The following ERC1 variants were observed in gnomAD, a reference collection of about 807,000 sequenced individuals.
ERC1 encodes ELKS/RAB6-interacting/CAST family member 1.
A neutral mutation model predicts 132.0 loss-of-function variants in ERC1; 56 were observed. The observed-to-expected ratio is 0.42, with a 90% CI of 0.34 to 0.53. The LOEUF is 0.53. Among genes scored for constraint, ERC1 ranks in the 20% least tolerant of loss-of-function variants. The pLI is 0.03. For missense variants in ERC1, 1,202 were observed against 1,349.9 expected, an observed-to-expected ratio of 0.89 and a Z score of 1.72; for synonymous variants, 478 against 476.1, an observed-to-expected ratio of 1.00 and a Z score of -0.05.
At chr12:1,117,558 C>A (rs939774802) in intron 7 of ERC1, among the ~76,000 whole-genome samples, 2 of 152,174 alleles carry the variant, frequency 1.3e-5, no homozygotes, top group Non-Finnish European at 1.5e-5. Context: ...TCCATCTTTA[C>A]CACTTACTAT....
At chr12:1,345,822 T>C (rs573472262) in intron 15 of ERC1, among the ~76,000 whole-genome samples, 229 of 152,346 alleles carry the variant, frequency 1.5e-3, no homozygotes, top group Non-Finnish European at 2.7e-3. Context: ...TATTTAATTT[T>C]ATCTTCACTT....
chr12:1,015,812 A>T (rs1965422395), intron 1 of ERC1, among the ~76,000 whole-genome samples: 1 of 152,358 alleles, frequency 6.6e-6, no homozygotes, highest in East Asian at 1.9e-4. Flanking sequence ...GTTGATGAGC[A>T]TAACCCCATT....
rs1195228642 is a variant in ERC1 at position 1,039,352 on chromosome 12, AT to A, written c.669+10781del. Reference sequence around the variant, plus strand: ...GACGTTGTCTCAAAAAAAAAAAAAAATAAAAATAAATAAATAAATAAATAAA... The same window carrying A: ...GACGTTGTCTCAAAAAAAAAAAAAAAAAAAATAAATAAATAAATAAATAAA... On this transcript the variant is annotated intron_variant, in intron 2 of 18. Transcript: ENST00000360905. Among the ~76,000 whole-genome samples the A allele has an allele frequency of 1.6e-3, 237 of 146,266 alleles. 1 individual carries two copies. Among genetic ancestry groups the A allele is most frequent in the African/African-American group, 4.8e-3 (188 of 38,926 alleles).
At chr12:1,066,793 C>T (rs144714573) in intron 2 of ERC1, among the ~76,000 whole-genome samples, 2 of 146,738 alleles carry the variant, frequency 1.4e-5, no homozygotes, top group Non-Finnish European at 3.0e-5. Flanking sequence ...GCTGAGATTG[C>T]GCCATTGTAG....
intron 16 of ERC1, among the ~76,000 whole-genome samples, chr12:1,374,560 TGAA>T (rs1386372473): frequency 6.6e-6 from 1 of 152,212 alleles, no homozygotes; most frequent in African/African-American, 2.4e-5. Flanking sequence ...CCTTAAGTCA[TGAA>T]GAAGCCCCAC....
At chr12:1,069,193 T>TA in intron 2 of ERC1, among the ~76,000 whole-genome samples, 1 of 152,220 alleles carries the variant, frequency 6.6e-6, no homozygotes, top group Admixed American at 6.5e-5. Context: ...TTTTATGAAA[T>TA]AGCAGTTTGA....
chr12:1,149,098 A>G (rs918421416), intron 8 of ERC1, among the ~76,000 whole-genome samples: 4 of 151,998 alleles, frequency 2.6e-5, no homozygotes, highest in African/African-American at 7.3e-5. Flanking sequence ...AATAAAATGA[A>G]TACCGTAGGT....
intron 2 of ERC1, among the ~76,000 whole-genome samples, chr12:1,064,946 G>A (rs531749192): frequency 6.6e-6 from 1 of 152,224 alleles, no homozygotes; most frequent in African/African-American, 2.4e-5. Flanking sequence ...CATATGCCAT[G>A]TGGGCTTTAT....
intron 8 of ERC1, among the ~76,000 whole-genome samples, chr12:1,162,331 C>T (rs1386801303): frequency 6.6e-6 from 1 of 152,170 alleles, no homozygotes; most frequent in East Asian, 1.9e-4. Context: ...CATTCAAAAT[C>T]TGTGTTAAAA....
chr12:1,177,371 C>G (rs1953853969), intron 8 of ERC1, among the ~76,000 whole-genome samples: 1 of 152,174 alleles, frequency 6.6e-6, no homozygotes, highest in South Asian at 2.1e-4. Context: ...TTTTCAAACT[C>G]TGCATGTAGC....
chr12:1,123,262 C>A (rs572476781), intron 7 of ERC1, among the ~76,000 whole-genome samples: 2 of 151,902 alleles, frequency 1.3e-5, no homozygotes, highest in East Asian at 1.9e-4. Context: ...AGTTTCAAAC[C>A]GTCAGAGTAA....
At chr12:1,486,369 TTTTC>T (rs1392685042) in intron 18 of ERC1, among the ~76,000 whole-genome samples, 4 of 152,144 alleles carry the variant, frequency 2.6e-5, no homozygotes, top group African/African-American at 7.2e-5. Flanking sequence ...TCTTGTTTTT[TTTTC>T]TTTATTTTCG....
At chr12:1,381,220 A>G (rs1167475982) in intron 16 of ERC1, 1 of 152,236 alleles carries the variant, frequency 6.6e-6, no homozygotes, top group East Asian at 1.9e-4. Flanking sequence ...CTTGATGGTG[A>G]CTGTTGTTTT....
At chr12:1,173,028 G>T (rs1448738764) in intron 8 of ERC1, among the ~76,000 whole-genome samples, 4 of 152,100 alleles carry the variant, frequency 2.6e-5, no homozygotes, top group Admixed American at 2.0e-4. Context: ...CAGTGGTTTG[G>T]TACCTCATTC....
intron 15 of ERC1, among the ~76,000 whole-genome samples, chr12:1,310,021 C>G (rs1291701310): frequency 6.6e-6 from 1 of 151,680 alleles, no homozygotes; most frequent in Non-Finnish European, 1.5e-5. Flanking sequence ...GATCTTGGCT[C>G]GCTGCAAGCT....
chr12:1,039,554 T>C (rs1360297439), intron 2 of ERC1, among the ~76,000 whole-genome samples: 1 of 151,298 alleles, frequency 6.6e-6, no homozygotes, highest in East Asian at 1.9e-4. Context: ...AAAAGAAATA[T>C]TTGGATATAG....
intron 18 of ERC1, among the ~76,000 whole-genome samples, chr12:1,472,231 G>C (rs1469665796): frequency 6.6e-6 from 1 of 152,228 alleles, no homozygotes; most frequent in Non-Finnish European, 1.5e-5. Flanking sequence ...TTTAGGGCTG[G>C]GGGCTGCCAG....
At chr12:1,427,840 C>T (rs542505493) in intron 17 of ERC1, among the ~76,000 whole-genome samples, 2 of 152,280 alleles carry the variant, frequency 1.3e-5, no homozygotes, top group East Asian at 3.9e-4. Context: ...CAATAAATGG[C>T]AGTGAGGGTG....
At chr12:1,016,201 C>T (rs977144311) in intron 1 of ERC1, among the ~76,000 whole-genome samples, 1 of 151,966 alleles carries the variant, frequency 6.6e-6, no homozygotes, top group Non-Finnish European at 1.5e-5. Context: ...CAGAATTTCA[C>T]ATATAATTAT....
Sources: allele counts gnomAD v4.1 joint callset (sites outside exome capture counted in the v4.1 genomes callset), GRCh38; gene constraint gnomAD v4.1.1; transcripts MANE v1.5; gene names NCBI Gene and HGNC (gene_info 2026-07-23, HGNC 2026-07-21).